Variants in FRK observed in about 807,000 individuals in gnomAD.
FRK encodes fyn related Src family tyrosine kinase.
Under a neutral mutation model 56.4 loss-of-function variants are expected in FRK, and 51 were observed. The observed-to-expected ratio is 0.90, with a 90% CI of 0.72 to 1.14. The LOEUF (loss-of-function observed/expected upper bound fraction) is 1.14, where lower values mean the gene tolerates loss of function less well. Ranked by LOEUF, FRK falls within the 50% of genes most tolerant of loss-of-function variation. The probability of loss-of-function intolerance (pLI) is 0.00; values close to 1 mark genes in which losing one functional copy is unlikely to be tolerated. For synonymous variants in FRK, 245 were observed against 217.9 expected (o/e 1.12, Z -1.10); for missense variants, 570 against 601.4 (o/e 0.95, Z 0.55).
chr6:116,073,105 T>C, the FRK span, among the ~76,000 whole-genome samples: 1 of 152,200 alleles, frequency 6.6e-6, no homozygotes, highest in Non-Finnish European at 1.5e-5. Flanking sequence ...TGAGTTAGTA[T>C]TGCAGAATTT....
intron 2 of FRK, among the ~76,000 whole-genome samples, chr6:115,973,182 C>G (rs1773872846): frequency 6.6e-6 from 1 of 152,156 alleles, no homozygotes; most frequent in South Asian, 2.1e-4. Context: ...GGCTATGACT[C>G]TTAGGCCAGT....
At chr6:116,052,604 C>T (rs886472949) in intron 1 of FRK, among the ~76,000 whole-genome samples, 2 of 151,826 alleles carry the variant, frequency 1.3e-5, no homozygotes, top group Admixed American at 6.6e-5. Flanking sequence ...GGCAGGAACA[C>T]CTCATGTAGT....
At chr6:116,021,102 TA>T (rs1239491599) in intron 1 of FRK, among the ~76,000 whole-genome samples, 1 of 151,846 alleles carries the variant, frequency 6.6e-6, no homozygotes, top group Non-Finnish European at 1.5e-5. Flanking sequence ...AGATGAATTA[TA>T]AATGTTTTAA....
chr6:116,039,132 C>T (rs75648305), intron 1 of FRK: 4 of 906,194 alleles, frequency 4.4e-6, no homozygotes, highest in Non-Finnish European at 3.7e-6. Flanking sequence ...ATCGCTTGCA[C>T]TGGGGAGAAG....
At chr6:116,068,389 GA>G in the FRK span, among the ~76,000 whole-genome samples, 16 of 144,060 alleles carry the variant, frequency 1.1e-4, no homozygotes, top group African/African-American at 2.8e-4. Context: ...GGCTTAAAAA[GA>G]AAAAAAAAAG....
the FRK span, among the ~76,000 whole-genome samples, chr6:116,094,688 G>A: frequency 1.2e-3 from 180 of 152,336 alleles, no homozygotes; most frequent in African/African-American, 4.2e-3. Flanking sequence ...AAGGAGAGGG[G>A]AGAACAGCAG....
chr6:116,048,987 T>G (rs1261412707), intron 1 of FRK, among the ~76,000 whole-genome samples: 3 of 148,642 alleles, frequency 2.0e-5, no homozygotes, highest in Non-Finnish European at 4.5e-5. Flanking sequence ...TTTTTTTTTT[T>G]AACAGTACCA....
chr6:115,952,657 G>A (rs1470877928), intron 5 of FRK, among the ~76,000 whole-genome samples: 5 of 151,262 alleles, frequency 3.3e-5, no homozygotes, highest in African/African-American at 1.2e-4. Flanking sequence ...CAATAGCAAA[G>A]ACTTGGAACC....
At chr6:116,033,440 T>C (rs1264905044) in intron 1 of FRK, among the ~76,000 whole-genome samples, 4 of 152,154 alleles carry the variant, frequency 2.6e-5, no homozygotes, top group Admixed American at 1.3e-4. Context: ...ATGAGACCAG[T>C]TCTTCAGCTT....
chr6:116,013,356 G>C (rs946924603), intron 1 of FRK, among the ~76,000 whole-genome samples: 6 of 152,062 alleles, frequency 3.9e-5, no homozygotes, highest in African/African-American at 1.4e-4. Flanking sequence ...AAGAGGAAAA[G>C]ACAGCTAATA....
At position 115,968,634 on chromosome 6, in the gene FRK, C is replaced by T. The variant is rs147589562; in HGVS notation, c.572G>A (p.Ser191Asn). 1.6e-4 allele frequency: 263 copies of T among 1,613,740 alleles called. No homozygotes were observed. The highest frequency in any genetic ancestry group is 4.9e-4 in the Middle Eastern group (3 of 6,084). ...RIFSTLNEFVSHYTKTSDGLC... is the reference protein window; with the variant it reads ...RIFSTLNEFVNHYTKTSDGLC... ...GCCGTCACTTGTCTTGGTGTAGTGG[C>T]TCACAAATTCGTTCAGTGTTGAAAA... is the stretch of plus-strand genomic sequence containing the variant. The change falls in exon 3 of 8, where the codon AGC becomes AAC. Residue 191 changes from serine (S) to asparagine (N), a missense_variant. Transcript: ENST00000606080.
chr6:115,966,132 G>A (rs983452954), intron 4 of FRK, among the ~76,000 whole-genome samples: 4 of 144,366 alleles, frequency 2.8e-5, no homozygotes, highest in African/African-American at 1.0e-4. Context: ...ATTTGAAAAA[G>A]TAACACAGGT....
intron 1 of FRK, among the ~76,000 whole-genome samples, chr6:116,010,391 A>G (rs142779486): frequency 6.6e-6 from 1 of 152,318 alleles, no homozygotes; most frequent in African/African-American, 2.4e-5. Flanking sequence ...TTTAAATATA[A>G]AAAATTAAAA....
intron 1 of FRK, among the ~76,000 whole-genome samples, chr6:116,026,634 A>G (rs62414104): frequency 6.6e-6 from 1 of 151,720 alleles, no homozygotes; most frequent in Admixed American, 6.6e-5. Flanking sequence ...TTTTTTTTTA[A>G]CTGATGATAA....
At chr6:115,980,441 G>C (rs1346924125) in intron 2 of FRK, among the ~76,000 whole-genome samples, 1 of 152,096 alleles carries the variant, frequency 6.6e-6, no homozygotes, top group Non-Finnish European at 1.5e-5. Context: ...ACGTGTCCTA[G>C]AGCCCTGTAC....
intron 1 of FRK, among the ~76,000 whole-genome samples, chr6:116,059,165 T>A (rs1777517247): frequency 6.6e-6 from 1 of 151,912 alleles, no homozygotes; most frequent in South Asian, 2.1e-4. Context: ...GGAGGGGTGG[T>A]AGGTGGATGG....
intron 2 of FRK, among the ~76,000 whole-genome samples, chr6:115,991,546 A>G (rs1181507463): frequency 6.6e-6 from 1 of 151,468 alleles, no homozygotes; most frequent in Non-Finnish European, 1.5e-5. Context: ...TTTGTTTTTA[A>G]TTCTGTTTAT....
chr6:115,956,311 A>C, intron 5 of FRK, 141 bp downstream of exon 5: 1 of 466,340 alleles, frequency 2.1e-6, no homozygotes, highest in Non-Finnish European at 3.6e-6. Context: ...TAGTTGAGCC[A>C]TTCAGTGTTA....
At chr6:115,956,960 AG>A (rs1282948850) in intron 4 of FRK, among the ~76,000 whole-genome samples, 1 of 152,216 alleles carries the variant, frequency 6.6e-6, no homozygotes, top group South Asian at 2.1e-4. Flanking sequence ...CGAGCGCTGA[AG>A]GTCACTGAAT....
Sources: gnomAD v4.1 joint callset for allele counts (sites outside exome capture counted in the v4.1 genomes callset) on GRCh38, gnomAD v4.1.1 for gene constraint, MANE v1.5 for transcripts, NCBI Gene and HGNC (gene_info 2026-07-23, HGNC 2026-07-21) for gene names.